Variants in MAPK10 observed in about 807,000 individuals in gnomAD.
MAPK10 encodes JNK3 alpha protein kinase.
MAPK10 carries 25 observed loss-of-function variants against 59.3 expected under a neutral mutation model. That is an observed-to-expected ratio of 0.42 (90% confidence interval 0.31 to 0.59). MAPK10 has a LOEUF of 0.59. Among genes scored for constraint, MAPK10 ranks in the 20% least tolerant of loss-of-function variants. The pLI, the probability that MAPK10 is intolerant of heterozygous loss-of-function variation, is 0.15. For missense variants in MAPK10, 351 were observed against 568.9 expected (o/e 0.62, Z 3.90); for synonymous variants, 190 against 200.5 (o/e 0.95, Z 0.44).
chr4:86,210,764 A>G (rs1283258431), intron 2 of MAPK10, among the ~76,000 whole-genome samples: 1 of 151,908 alleles, frequency 6.6e-6, no homozygotes, highest in Non-Finnish European at 1.5e-5. Context: ...GAAAGGCCAG[A>G]TGGCAAAACT....
At chr4:86,221,717 G>T (rs1181469363) in intron 2 of MAPK10, among the ~76,000 whole-genome samples, 1 of 152,012 alleles carries the variant, frequency 6.6e-6, no homozygotes, top group Non-Finnish European at 1.5e-5. Context: ...TTCCCAGGCT[G>T]GTCTCGAACT....
chr4:86,372,564 G>GAAAGAAAGAGAAAAGAAAAGAAAAGA, intron 1 of MAPK10, among the ~76,000 whole-genome samples: 1 of 78,690 alleles, frequency 1.3e-5, no homozygotes, highest in Non-Finnish European at 2.8e-5. Flanking sequence ...AAGAAAGAAA[G>GAAAGAAAGAGAAAAGAAAAGAAAAGA]AAAGAAAAGA....
intron 4 of MAPK10, among the ~76,000 whole-genome samples, chr4:86,147,731 T>C (rs1165986729): frequency 6.6e-6 from 1 of 152,216 alleles, no homozygotes; most frequent in African/African-American, 2.4e-5. Flanking sequence ...AAATCAGATA[T>C]AAATTGGTAT....
intron 2 of MAPK10, among the ~76,000 whole-genome samples, chr4:86,231,805 G>C (rs1583242024): frequency 6.6e-6 from 1 of 152,072 alleles, no homozygotes; most frequent in East Asian, 1.9e-4. Flanking sequence ...AATGCACAGG[G>C]CCTTATGTAA....
chr4:86,152,780 TA>T (rs941298799), intron 4 of MAPK10, among the ~76,000 whole-genome samples: 3 of 151,972 alleles, frequency 2.0e-5, no homozygotes, highest in African/African-American at 7.3e-5. Context: ...CTATCTTTTT[TA>T]AAAAAAACAA....
At chr4:86,378,873 A>T (rs1251762812) in intron 1 of MAPK10, among the ~76,000 whole-genome samples, 1 of 152,192 alleles carries the variant, frequency 6.6e-6, no homozygotes, top group Non-Finnish European at 1.5e-5. Context: ...CAATATACAA[A>T]CTGTAAAGAG....
chr4:86,549,355 T>G (rs1759572250), intron 1 of MAPK10, among the ~76,000 whole-genome samples: 1 of 152,224 alleles, frequency 6.6e-6, no homozygotes, highest in Admixed American at 6.5e-5. Context: ...CTAGGCTGTA[T>G]GGTATAGTCC....
At chr4:86,423,449 G>A (rs1346855162) in intron 1 of MAPK10, among the ~76,000 whole-genome samples, 1 of 152,112 alleles carries the variant, frequency 6.6e-6, no homozygotes, top group Non-Finnish European at 1.5e-5. Flanking sequence ...ACCAGCTAAT[G>A]TATGTAAAGT....
chr4:86,393,718 G>A (rs1742535450), intron 1 of MAPK10, among the ~76,000 whole-genome samples: 2 of 152,072 alleles, frequency 1.3e-5, no homozygotes, highest in South Asian at 4.1e-4. Context: ...TGGGTAAAGG[G>A]TACTTAGTAG....
At chr4:86,372,520 AAAAGAAAG>A (rs71598410) in intron 1 of MAPK10, among the ~76,000 whole-genome samples, 8 of 90,006 alleles carry the variant, frequency 8.9e-5, no homozygotes, top group African/African-American at 3.2e-4. Context: ...CATCTCAAAC[AAAAGAAAG>A]AAAGAAAGAA....
chr4:86,473,247 C>T (rs1490280467), intron 1 of MAPK10, among the ~76,000 whole-genome samples: 2 of 152,138 alleles, frequency 1.3e-5, no homozygotes, highest in Non-Finnish European at 2.9e-5. Context: ...GCCACAAATA[C>T]TGTATTTCTA....
chr4:86,366,900 G>C (rs1170143808), intron 1 of MAPK10, among the ~76,000 whole-genome samples: 1 of 152,128 alleles, frequency 6.6e-6, no homozygotes, highest in Non-Finnish European at 1.5e-5. Flanking sequence ...TACTTCTCAG[G>C]TTCTAGCAGG....
chr4:86,199,846 T>C (rs1369466301), intron 2 of MAPK10, among the ~76,000 whole-genome samples: 1 of 152,028 alleles, frequency 6.6e-6, no homozygotes, highest in African/African-American at 2.4e-5. Flanking sequence ...TTTGGTATGA[T>C]GTACCAAACA....
intron 4 of MAPK10, among the ~76,000 whole-genome samples, chr4:86,147,587 T>C (rs1015638661): frequency 1.6e-4 from 25 of 152,212 alleles, no homozygotes; most frequent in African/African-American, 2.4e-4. Context: ...TATTAACTTA[T>C]AGTGACTATT....
intron 4 of MAPK10, among the ~76,000 whole-genome samples, chr4:86,114,374 G>C (rs1023417512): frequency 1.3e-5 from 2 of 152,128 alleles, no homozygotes; most frequent in African/African-American, 4.8e-5. Context: ...GATCTTTGAG[G>C]CTGCTGACCT....
intron 2 of MAPK10, among the ~76,000 whole-genome samples, chr4:86,281,807 C>T (rs1049738187): frequency 1.3e-5 from 2 of 151,700 alleles, no homozygotes; most frequent in Non-Finnish European, 2.9e-5. Flanking sequence ...TTCATGGAGA[C>T]TTAATTGACT....
chr4:86,138,730 C>T lies in MAPK10; in HGVS notation c.236+20568G>A, dbSNP rs866683078. 5.9e-5 allele frequency among the ~76,000 whole-genome samples: 9 copies of T among 151,850 alleles called. No homozygotes were observed. The South Asian group carries it at 1.7e-3, about 28-fold the overall frequency. ...GAAATAAACGGTATTCAATTAGGAA[C>T]AGAGGAAGTCAAATTGTCCCTGTTT... On this transcript the variant is annotated intron_variant, in intron 4 of 13. Coordinates refer to ENST00000641462, the MANE Select transcript of MAPK10 (RefSeq NM_138982.4).
At chr4:86,031,239 TA>T in intron 12 of MAPK10, 128 bp downstream of exon 12, 2 of 674,880 alleles carry the variant, frequency 3.0e-6, no homozygotes, top group Non-Finnish European at 2.6e-6. Flanking sequence ...TTAGGAGCTT[TA>T]AAAATGGTCT....
intron 11 of MAPK10, among the ~76,000 whole-genome samples, chr4:86,056,893 T>C (rs962966139): frequency 6.7e-5 from 10 of 149,716 alleles, no homozygotes; most frequent in Non-Finnish European, 1.5e-4. Context: ...TAATAATCTA[T>C]GCATTTGGGT....
Sources: allele counts gnomAD v4.1 joint callset (sites outside exome capture counted in the v4.1 genomes callset), GRCh38; gene constraint gnomAD v4.1.1; transcripts MANE v1.5; gene names NCBI Gene and HGNC (gene_info 2026-07-23, HGNC 2026-07-21).